Variants in DCDC1 observed in about 807,000 individuals in gnomAD.
DCDC1 encodes the protein doublecortin domain containing 1.
Under a neutral mutation model 178.3 loss-of-function variants are expected in DCDC1, and 200 were observed. That is an observed-to-expected ratio of 1.12 (90% CI 1.00 to 1.26). The LOEUF (loss-of-function observed/expected upper bound fraction) is 1.26, where lower values mean the gene tolerates loss of function less well. Ranked by LOEUF, DCDC1 falls within the 50% of genes most tolerant of loss-of-function variation. The probability of loss-of-function intolerance (pLI) is 0.00; values close to 1 mark genes in which losing one functional copy is unlikely to be tolerated. For synonymous variants in DCDC1, 690 were observed against 604.8 expected, an observed-to-expected ratio of 1.14 and a Z score of -2.07; for missense variants, 1,983 against 1,749.2, an observed-to-expected ratio of 1.13 and a Z score of -2.38.
chr11:31,139,795 A>G (rs1963595957), intron 9 of DCDC1, among the ~76,000 whole-genome samples: 1 of 152,216 alleles, frequency 6.6e-6, no homozygotes, highest in Non-Finnish European at 1.5e-5. Context: ...ATATTCAACT[A>G]CTAAAGAAGC....
chr11:30,868,449 C>T (rs763592417), intron 38 of DCDC1, among the ~76,000 whole-genome samples: 2 of 151,868 alleles, frequency 1.3e-5, no homozygotes, highest in African/African-American at 2.4e-5. Context: ...TGGGGTTTCA[C>T]CATGTTGGCC....
At chr11:31,197,102 A>G (rs541082442) in intron 9 of DCDC1, among the ~76,000 whole-genome samples, 1 of 152,044 alleles carries the variant, frequency 6.6e-6, no homozygotes, top group Non-Finnish European at 1.5e-5. Flanking sequence ...ATATATATAT[A>G]TTTTTATGTC....
intron 10 of DCDC1, among the ~76,000 whole-genome samples, chr11:31,132,501 CT>C (rs1174409309): frequency 1.3e-5 from 2 of 151,258 alleles, no homozygotes; most frequent in African/African-American, 2.4e-5. Context: ...CAACGTGAAT[CT>C]TTTTTTTTCT....
At chr11:30,970,499 A>G (rs946606443) in intron 20 of DCDC1, among the ~76,000 whole-genome samples, 1 of 152,030 alleles carries the variant, frequency 6.6e-6, no homozygotes, top group African/African-American at 2.4e-5. Context: ...AACTATGTAC[A>G]TTTTCAAGCA....
At chr11:31,166,329 G>T (rs565550851) in intron 9 of DCDC1, among the ~76,000 whole-genome samples, 1 of 152,264 alleles carries the variant, frequency 6.6e-6, no homozygotes, top group Non-Finnish European at 1.5e-5. Context: ...TATTTTATGT[G>T]AGAACCAGTT....
intron 30 of DCDC1, 130 bp downstream of exon 30, chr11:30,906,410 G>A: frequency 1.1e-6 from 1 of 901,478 alleles, no homozygotes; most frequent in Non-Finnish European, 1.6e-6. Context: ...AGGTAGAATG[G>A]TAAAGGTGCA....
At chr11:31,021,800 T>G (rs1216892761) in intron 20 of DCDC1, among the ~76,000 whole-genome samples, 1 of 152,176 alleles carries the variant, frequency 6.6e-6, no homozygotes, top group Non-Finnish European at 1.5e-5. Flanking sequence ...ACCTTCCTCT[T>G]AAATAACTCT....
chr11:31,182,110 C>G (rs1049718682), intron 9 of DCDC1, among the ~76,000 whole-genome samples: 5 of 152,146 alleles, frequency 3.3e-5, no homozygotes, highest in African/African-American at 1.2e-4. Flanking sequence ...ACCAAACCTA[C>G]GTTTGATTGG....
chr11:30,897,993 T>G (rs535377065), intron 34 of DCDC1, among the ~76,000 whole-genome samples: 1 of 152,164 alleles, frequency 6.6e-6, no homozygotes, highest in Admixed American at 6.5e-5. Flanking sequence ...AGGAGCGACC[T>G]AACAGGACAG....
chr11:31,216,336 T>A (rs1477895928), intron 9 of DCDC1, among the ~76,000 whole-genome samples: 1 of 152,108 alleles, frequency 6.6e-6, no homozygotes, highest in Non-Finnish European at 1.5e-5. Context: ...ATACAAAAAC[T>A]TTGAGGTAAA....
At chr11:31,264,451 AAGAG>A (rs992927307) in intron 8 of DCDC1, among the ~76,000 whole-genome samples, 5 of 151,930 alleles carry the variant, frequency 3.3e-5, no homozygotes, top group African/African-American at 7.2e-5. Context: ...GGGAGGCAGA[AAGAG>A]AGAGAGAGAA....
rs771902986 is a variant in DCDC1, at chr11:31,094,155, A to G, written c.2013T>C (p.Ser671=). ...AGAAACTCCACTTTCCAATGGAAAC[A>G]GAGGCATGAAGGACAATATTGGGAT... is the stretch of plus-strand genomic sequence containing the variant. ...KVDPNIVLHA[S]VSIGKWSFSG... is the part of the protein sequence containing the mutation. The change falls in exon 16 of 39, where the codon TCT becomes TCC. Residue 671 remains serine, a synonymous_variant. Transcript: ENST00000684477. The G allele has an allele frequency of 1.3e-6, 1 of 766,142 alleles. No individual in the cohort carries two copies. The highest frequency in any genetic ancestry group is 2.4e-6 in the Non-Finnish European group (1 of 417,816). The allele number at this position is 766,142 out of a possible 1,614,324, so 47.5% of individuals were successfully genotyped here.
At chr11:31,250,175 T>A (rs1379935397) in intron 8 of DCDC1, among the ~76,000 whole-genome samples, 1 of 151,868 alleles carries the variant, frequency 6.6e-6, no homozygotes, top group East Asian at 2.0e-4. Flanking sequence ...GGAGACAAAG[T>A]AGGAGAACAT....
chr11:30,877,593 C>T (rs1033343578), intron 38 of DCDC1, among the ~76,000 whole-genome samples: 2 of 152,122 alleles, frequency 1.3e-5, no homozygotes, highest in Non-Finnish European at 2.9e-5. Context: ...ATTGAGGACA[C>T]AGTCTATGAC....
chr11:30,953,277 TAA>T (rs1948542114), intron 20 of DCDC1, among the ~76,000 whole-genome samples: 2 of 148,412 alleles, frequency 1.3e-5, no homozygotes, highest in Admixed American at 1.4e-4. Context: ...ACATTATATA[TAA>T]GTATTATATT....
intron 22 of DCDC1, among the ~76,000 whole-genome samples, chr11:30,929,953 A>T (rs918049932): frequency 6.6e-6 from 1 of 152,084 alleles, no homozygotes; most frequent in African/African-American, 2.4e-5. Flanking sequence ...AATAACAACA[A>T]CAAAAACTCC....
At chr11:31,196,992 G>A (rs935025209) in intron 9 of DCDC1, among the ~76,000 whole-genome samples, 1 of 152,114 alleles carries the variant, frequency 6.6e-6, no homozygotes, top group Non-Finnish European at 1.5e-5. Flanking sequence ...GGGACAAAGA[G>A]CAAATATTAA....
chr11:31,028,743 G>C (rs556272587), intron 20 of DCDC1, among the ~76,000 whole-genome samples: 13 of 151,980 alleles, frequency 8.6e-5, no homozygotes, highest in Middle Eastern at 3.4e-3. Context: ...TTTTGAACAT[G>C]GGCTTTCTAC....
At chr11:31,052,034 C>T (rs1955286806) in intron 20 of DCDC1, among the ~76,000 whole-genome samples, 1 of 152,098 alleles carries the variant, frequency 6.6e-6, no homozygotes, top group Non-Finnish European at 1.5e-5. Flanking sequence ...GGCTGAAATG[C>T]TCCACTTAAA....
Sources: allele counts gnomAD v4.1 joint callset (sites outside exome capture counted in the v4.1 genomes callset), GRCh38; gene constraint gnomAD v4.1.1; transcripts MANE v1.5; gene names NCBI Gene and HGNC (gene_info 2026-07-23, HGNC 2026-07-21).